NALCN: variants seen among roughly 807,000 people sequenced by gnomAD.
The protein encoded by NALCN is sodium leak channel, non-selective.
A neutral mutation model predicts 225.3 loss-of-function variants in NALCN; 111 were observed. The observed-to-expected ratio is 0.49, with a 90% CI of 0.42 to 0.58. The LOEUF (loss-of-function observed/expected upper bound fraction) is 0.58. NALCN is among the 20% of genes least tolerant of loss of function. The pLI is 0.00. For synonymous variants in NALCN, 764 were observed against 769.0 expected, an observed-to-expected ratio of 0.99 and a Z score of 0.11; for missense variants, 1,378 against 2,202.4, an observed-to-expected ratio of 0.63 and a Z score of 7.49.
chr13:101,293,217 C>A (rs1389394594), intron 7 of NALCN, among the ~76,000 whole-genome samples: 12 of 152,152 alleles, frequency 7.9e-5, no homozygotes, highest in Admixed American at 7.9e-4. Flanking sequence ...GTGATGATAT[C>A]TTGCCTCTTT....
chr13:101,090,425 T>G (rs2034171046), intron 28 of NALCN, among the ~76,000 whole-genome samples: 1 of 152,228 alleles, frequency 6.6e-6, no homozygotes, highest in African/African-American at 2.4e-5. Flanking sequence ...AAATTACAAT[T>G]GCCTGTGTTA....
At chr13:101,217,446 G>C (rs1158310010) in intron 13 of NALCN, among the ~76,000 whole-genome samples, 1 of 152,130 alleles carries the variant, frequency 6.6e-6, no homozygotes, top group Non-Finnish European at 1.5e-5. Context: ...GAAAGTTATT[G>C]GCTTGAGATG....
intron 13 of NALCN, among the ~76,000 whole-genome samples, chr13:101,224,980 G>A (rs543137452): frequency 2.6e-5 from 4 of 152,074 alleles, no homozygotes; most frequent in Non-Finnish European, 5.9e-5. Flanking sequence ...GAAACAAATG[G>A]AGCATTTCTG....
intron 18 of NALCN, among the ~76,000 whole-genome samples, chr13:101,121,918 C>T (rs1460839335): frequency 6.7e-6 from 1 of 150,270 alleles, no homozygotes. Context: ...GAAGGTTATT[C>T]GAATCAATTG....
intron 6 of NALCN, among the ~76,000 whole-genome samples, chr13:101,374,023 G>A (rs1454974467): frequency 6.6e-6 from 1 of 151,866 alleles, no homozygotes; most frequent in African/African-American, 2.4e-5. Flanking sequence ...TCCAGAAAAT[G>A]GTTATCAAAA....
At chr13:101,388,884 GT>G (rs1014592060) in intron 3 of NALCN, among the ~76,000 whole-genome samples, 1 of 152,184 alleles carries the variant, frequency 6.6e-6, no homozygotes, top group African/African-American at 2.4e-5. Flanking sequence ...ATGGGCAAAG[GT>G]TGCCATGGCC....
chr13:101,329,868 G>A (rs2045096933), intron 7 of NALCN, among the ~76,000 whole-genome samples: 1 of 151,662 alleles, frequency 6.6e-6, no homozygotes, highest in Non-Finnish European at 1.5e-5. Flanking sequence ...GTGAAACCCT[G>A]TCTCTACTAA....
intron 3 of NALCN, among the ~76,000 whole-genome samples, chr13:101,385,485 TA>T (rs2046962622): frequency 6.6e-6 from 1 of 152,180 alleles, no homozygotes; most frequent in Non-Finnish European, 1.5e-5. Context: ...ATTATACTAA[TA>T]TTTGCTATTT....
intron 10 of NALCN, among the ~76,000 whole-genome samples, chr13:101,262,558 T>C (rs1292074176): frequency 6.6e-6 from 1 of 152,228 alleles, no homozygotes; most frequent in African/African-American, 2.4e-5. Context: ...TATTAACACA[T>C]GCCCTTACTG....
At chr13:101,145,079 T>C (rs2037282559) in intron 15 of NALCN, among the ~76,000 whole-genome samples, 183 bp from the exon 16 acceptor site, 1 of 151,660 alleles carries the variant, frequency 6.6e-6, no homozygotes, top group Non-Finnish European at 1.5e-5. Context: ...CTAAAACTTT[T>C]GAGTTAACAG....
At chr13:101,233,869 C>T (rs1247735839) in intron 12 of NALCN, among the ~76,000 whole-genome samples, 1 of 152,148 alleles carries the variant, frequency 6.6e-6, no homozygotes, top group Non-Finnish European at 1.5e-5. Flanking sequence ...TTTGCAAGAC[C>T]TGATGATTTC....
intron 41 of NALCN, 25 bp downstream of exon 41, chr13:101,061,943 A>T: frequency 6.2e-7 from 1 of 1,602,798 alleles, no homozygotes; most frequent in Admixed American, 1.7e-5. Flanking sequence ...CGGGGACCCA[A>T]CCTGCATGTG....
At chr13:101,107,367 T>C in intron 22 of NALCN, 120 bp downstream of exon 22, 1 of 1,504,644 alleles carries the variant, frequency 6.6e-7, no homozygotes, top group Middle Eastern at 2.4e-4. Context: ...CATGATTAAT[T>C]AGTCCGCAGT....
intron 31 of NALCN, 82 bp from the exon 32 acceptor site, chr13:101,083,280 T>C: frequency 8.6e-7 from 1 of 1,160,612 alleles, no homozygotes; most frequent in Non-Finnish European, 1.3e-6. Context: ...TAAATGCTTA[T>C]CTTAAAACCC....
At chr13:101,221,021 T>C (rs1329271328) in intron 13 of NALCN, among the ~76,000 whole-genome samples, 1 of 152,192 alleles carries the variant, frequency 6.6e-6, no homozygotes, top group Non-Finnish European at 1.5e-5. Context: ...CAATGGGGCA[T>C]TGATGCACAA....
intron 13 of NALCN, among the ~76,000 whole-genome samples, chr13:101,225,354 C>G (rs185697095): frequency 6.6e-6 from 1 of 152,306 alleles, no homozygotes. Context: ...TTTCTCCCTC[C>G]GTTGGACTAG....
chr13:101,089,964 G>C lies in NALCN; in HGVS notation c.3272C>G (p.Ala1091Gly), dbSNP rs147053581. ...KPGFWVPRVWANPRNFNFDNV... is the reference protein window; with the variant it reads ...KPGFWVPRVWGNPRNFNFDNV... ...GTCGAAATTAAAGTTCCGAGGATTC[G>C]CCCTGCGATTCCAATACAGGAATGT... Residue 1091 changes from alanine (A) to glycine (G), a missense_variant and splice_region_variant, in exon 29 of 44, where the codon GCG becomes GGG. Physicochemically the swap from Ala to Gly is moderately conservative, Grantham distance 60. This residue lies in a region of NALCN where 292 missense variants were observed against 409.5 expected (regional missense o/e 0.71). Transcript: ENST00000251127. This position sits in a 1 kb window ranked among gnomAD's most constrained non-coding sequence, Gnocchi z 4.7. The C allele has an allele frequency of 5.0e-6, 8 of 1,613,784 alleles. No homozygotes were observed. The highest frequency in any genetic ancestry group is 6.8e-6 in the Non-Finnish European group (8 of 1,179,826).
chr13:101,139,374 C>T lies in NALCN; in HGVS notation c.2118+3706G>A, dbSNP rs185347843. On this transcript the variant is annotated intron_variant, in intron 17 of 43. Transcript: ENST00000251127. ...CCCTGAACTTGCAGTCTTCAGGCAC[C>T]TGGGGCTTCACTATTTTCCCTGGAA... Among the ~76,000 whole-genome samples the T allele has an allele frequency of 9.2e-5, 14 of 152,274 alleles. 1 individual carries two copies. The highest frequency in any genetic ancestry group is 2.6e-4 in the Admixed American group (4 of 15,292).
At chr13:101,277,850 T>C (rs1171962817) in intron 10 of NALCN, among the ~76,000 whole-genome samples, 2 of 152,308 alleles carry the variant, frequency 1.3e-5, no homozygotes, top group East Asian at 3.9e-4. Flanking sequence ...TATGGAGAGT[T>C]GGGAAACTGA....
Sources: allele counts gnomAD v4.1 joint callset (sites outside exome capture counted in the v4.1 genomes callset), GRCh38; gene constraint gnomAD v4.1.1; regional missense constraint gnomAD v4.1.1; non-coding constraint Gnocchi (gnomAD v3.1); transcripts MANE v1.5; gene names NCBI Gene and HGNC (gene_info 2026-07-23, HGNC 2026-07-21).